SRRM4: variants seen among roughly 807,000 people sequenced by gnomAD.
SRRM4 encodes serine/arginine repetitive matrix 4.
Under a neutral mutation model 68.9 loss-of-function variants are expected in SRRM4, and 33 were observed. That is an observed-to-expected ratio of 0.48 (90% CI 0.36 to 0.64). The LOEUF (loss-of-function observed/expected upper bound fraction) is 0.64. Among genes scored for constraint, SRRM4 ranks in the 30% least tolerant of loss-of-function variants. SRRM4 has a pLI of 0.00. For missense variants in SRRM4, 817 were observed against 827.1 expected, an observed-to-expected ratio of 0.99 and a Z score of 0.15; for synonymous variants, 318 against 318.8, an observed-to-expected ratio of 1.00 and a Z score of 0.03.
At chr12:118,992,759 A>G (rs1202553492) in intron 1 of SRRM4, among the ~76,000 whole-genome samples, 1 of 152,160 alleles carries the variant, frequency 6.6e-6, no homozygotes, top group Non-Finnish European at 1.5e-5. Context: ...CAGAACTCAA[A>G]TATAGCCTCT....
chr12:119,058,278 T>A (rs944404340), intron 1 of SRRM4, among the ~76,000 whole-genome samples: 1 of 152,170 alleles, frequency 6.6e-6, no homozygotes, highest in African/African-American at 2.4e-5. Context: ...AAGTCATTAA[T>A]AAATAAAAAG....
chr12:119,080,638 T>G (rs1953942222), intron 1 of SRRM4, among the ~76,000 whole-genome samples: 1 of 152,228 alleles, frequency 6.6e-6, no homozygotes, highest in East Asian at 1.9e-4. Context: ...TTTCTGAAGT[T>G]AAGTTCCTTA....
chr12:119,103,386 T>C (rs1219256218), intron 2 of SRRM4, among the ~76,000 whole-genome samples: 1 of 152,216 alleles, frequency 6.6e-6, no homozygotes, highest in Non-Finnish European at 1.5e-5. Context: ...CCAATAGTTA[T>C]CTTTTCTGCT....
chr12:119,042,130 C>T (rs1363650196), intron 1 of SRRM4, among the ~76,000 whole-genome samples: 1 of 152,082 alleles, frequency 6.6e-6, no homozygotes, highest in Non-Finnish European at 1.5e-5. Flanking sequence ...CAGTCAGTGG[C>T]AGAGCTAGGA....
chr12:118,990,236 G>A (rs1953307863), intron 1 of SRRM4, among the ~76,000 whole-genome samples: 1 of 152,186 alleles, frequency 6.6e-6, no homozygotes, highest in Non-Finnish European at 1.5e-5. Context: ...ATGTTTATAG[G>A]ATAAGACACT....
At chr12:119,106,851 A>G (rs1005806593) in intron 2 of SRRM4, among the ~76,000 whole-genome samples, 1 of 152,228 alleles carries the variant, frequency 6.6e-6, no homozygotes, top group Non-Finnish European at 1.5e-5. Flanking sequence ...AGTATGTTGA[A>G]CAGGAGTGGT....
chr12:119,059,742 G>T (rs527986617), intron 1 of SRRM4, among the ~76,000 whole-genome samples: 1 of 152,124 alleles, frequency 6.6e-6, no homozygotes, highest in Admixed American at 6.5e-5. Context: ...ATCTCATGTC[G>T]CTGCTACCCT....
chr12:119,134,137 A>G (rs776754284), intron 8 of SRRM4, among the ~76,000 whole-genome samples: 64 of 152,206 alleles, frequency 4.2e-4, no homozygotes, highest in Non-Finnish European at 8.8e-5. Flanking sequence ...TCACATGCAC[A>G]GCTTTTTTAA....
rs944773592 is a variant in SRRM4 at position 119,130,925 on chromosome 12, T to A, written c.771+91T>A. 18 of 1,269,590 alleles carry A rather than the reference T, an allele frequency of 1.4e-5. No individual in the cohort carries two copies. The Admixed American group carries it at 2.9e-4, about 21-fold the overall frequency. 78.6% of individuals were successfully genotyped at this position (1,269,590 alleles called of 1,614,324 possible). A position where few individuals can be genotyped will look rare whatever the true frequency, so the allele number is the denominator to read the frequency against. ...AGTTCAGGGCAGTGTATGGTACACT[T>A]TAATTCAATTTCTGACAAAATATCC... On this transcript the variant is annotated intron_variant, in intron 8 of 12. Transcript: ENST00000267260.
intron 1 of SRRM4, among the ~76,000 whole-genome samples, chr12:119,069,141 G>A (rs568071392): frequency 3.9e-5 from 6 of 152,158 alleles, no homozygotes; most frequent in African/African-American, 1.4e-4. Context: ...AAACGGGAGA[G>A]CCCTAAATAG....
chr12:119,145,679 A>G lies in SRRM4; in HGVS notation c.1070A>G (p.Glu357Gly). 6.6e-7 allele frequency: 1 copy of G among 1,519,016 alleles called. No individual in the cohort carries two copies. The highest frequency in any genetic ancestry group is 8.8e-7 in the Non-Finnish European group (1 of 1,134,374). 94.1% of individuals were successfully genotyped at this position (1,519,016 alleles called of 1,614,324 possible). Reference sequence around the variant, plus strand: ...CTCTCCCCCACCAGCAGGGGCAGAGAGTCAAGGTCAGTGCACCACACAGGG... The same window carrying G: ...CTCTCCCCCACCAGCAGGGGCAGAGGGTCAAGGTCAGTGCACCACACAGGG... Reference protein sequence around the residue: ...ENLSPTSRGRESRGFQSPCLE... With the variant: ...ENLSPTSRGRGSRGFQSPCLE... The change falls in exon 9 of 13, where the codon GAG (glutamate) becomes GGG (glycine). Residue 357 changes from glutamate to glycine, a missense_variant. Coordinates refer to ENST00000267260, the MANE Select transcript of SRRM4 (RefSeq NM_194286.4).
chr12:119,022,707 T>A (rs192110861), intron 1 of SRRM4, among the ~76,000 whole-genome samples: 176 of 152,328 alleles, frequency 1.2e-3, no homozygotes, highest in Non-Finnish European at 1.9e-3. Flanking sequence ...CTGAGCATGG[T>A]CACATATGTC....
At chr12:119,126,087 G>A (rs187606843) in intron 7 of SRRM4, among the ~76,000 whole-genome samples, 1,582 of 130,088 alleles carry the variant, frequency 0.012, 21 homozygotes, top group Middle Eastern at 0.028. Flanking sequence ...GCAGGGGGGC[G>A]ATCTTGGCTC....
intron 1 of SRRM4, among the ~76,000 whole-genome samples, chr12:118,998,460 A>G (rs948742632): frequency 5.3e-5 from 8 of 152,102 alleles, no homozygotes; most frequent in Admixed American, 4.6e-4. Context: ...TAGCATGCAT[A>G]CTATGTATTT....
rs753030901 is a variant in SRRM4, at chr12:119,156,647, G to GCCGGAC, written c.1689_1694dup (p.Arg565_Thr566dup). 5.0e-6 allele frequency: 8 copies of GCCGGAC among 1,587,294 alleles called. No homozygotes were observed. The highest frequency in any genetic ancestry group is 6.0e-6 in the Non-Finnish European group (7 of 1,168,598). On this transcript the variant is annotated inframe_insertion, in exon 13 of 13. Transcript: ENST00000267260. ...AGTCGGAGCCGGAGCCGGAGACGGA[G>GCCGGAC]CCGGACCCGCACGAGCAGCAGCTCT...
intron 1 of SRRM4, among the ~76,000 whole-genome samples, chr12:118,996,911 C>T (rs1324126053): frequency 6.6e-6 from 1 of 152,158 alleles, no homozygotes; most frequent in African/African-American, 2.4e-5. Context: ...GAAGTCCATT[C>T]CAAGACTAGG....
chr12:119,138,754 C>G (rs1002907271), intron 8 of SRRM4, among the ~76,000 whole-genome samples: 5 of 152,216 alleles, frequency 3.3e-5, no homozygotes, highest in African/African-American at 9.6e-5. Flanking sequence ...TTTTCCATCT[C>G]GACTTCTAAG....
chr12:119,076,796 A>G (rs1953919134), intron 1 of SRRM4, among the ~76,000 whole-genome samples: 1 of 152,226 alleles, frequency 6.6e-6, no homozygotes, highest in Non-Finnish European at 1.5e-5. Flanking sequence ...AAATGTCTCC[A>G]TGATTTGCCA....
chr12:119,149,994 G>C (rs1333497494), intron 9 of SRRM4, among the ~76,000 whole-genome samples: 1 of 152,054 alleles, frequency 6.6e-6, no homozygotes, highest in East Asian at 1.9e-4. Context: ...TCTTTTGGGA[G>C]GTCTCAATTC....
Sources: gnomAD v4.1 joint callset for allele counts (sites outside exome capture counted in the v4.1 genomes callset) on GRCh38, gnomAD v4.1.1 for gene constraint, MANE v1.5 for transcripts, NCBI Gene and HGNC (gene_info 2026-07-23, HGNC 2026-07-21) for gene names.